Variants in RGS6 observed in about 807,000 individuals in gnomAD.
RGS6 encodes the protein regulator of G protein signaling 6.
In RGS6, 30 loss-of-function variants were observed where a neutral mutation model predicts 78.5. The ratio of observed to expected loss-of-function variants is 0.38; its 90% CI spans 0.29 to 0.52. The LOEUF is 0.52. RGS6 is among the 20% of genes least tolerant of loss of function. The pLI is 0.85. For synonymous variants in RGS6, 206 were observed against 206.0 expected, an observed-to-expected ratio of 1.00 and a Z score of 0.00; for missense variants, 495 against 609.7, an observed-to-expected ratio of 0.81 and a Z score of 1.98.
chr14:72,284,559 T>C (rs35425336), intron 2 of RGS6, among the ~76,000 whole-genome samples: 4,483 of 152,310 alleles, frequency 0.029, 88 homozygotes, highest in Middle Eastern at 0.058. Context: ...AGAGGATATA[T>C]GGAAACTCCT....
chr14:72,510,103 A>G (rs772034022), intron 13 of RGS6, 51 bp from the exon 14 acceptor site: 4 of 1,527,576 alleles, frequency 2.6e-6, no homozygotes, highest in Non-Finnish European at 3.5e-6. Context: ...ATATGACACG[A>G]GCTTTTCTCT....
the RGS6 span, among the ~76,000 whole-genome samples, chr14:71,897,127 T>A: frequency 2.6e-5 from 4 of 152,214 alleles, no homozygotes; most frequent in African/African-American, 9.6e-5. Flanking sequence ...AAGAGATATG[T>A]CTCTACACTG....
chr14:72,491,111 A>C (rs2153403062), intron 12 of RGS6, among the ~76,000 whole-genome samples: 1 of 152,344 alleles, frequency 6.6e-6, no homozygotes, highest in South Asian at 2.1e-4. Flanking sequence ...TTTGCAATTC[A>C]GTAGTAGGAA....
At chr14:71,914,860 T>C in the RGS6 span, among the ~76,000 whole-genome samples, 2 of 151,796 alleles carry the variant, frequency 1.3e-5, no homozygotes, top group Non-Finnish European at 2.9e-5. Context: ...CAGGCACCAC[T>C]CCCTTAAGAG....
chr14:72,084,833 A>G (rs1205190875), intron 2 of RGS6, among the ~76,000 whole-genome samples: 1 of 152,094 alleles, frequency 6.6e-6, no homozygotes, highest in East Asian at 1.9e-4. Context: ...GTGGCTGCTC[A>G]TGTTCCTGAA....
chr14:71,876,679 A>G, the RGS6 span, among the ~76,000 whole-genome samples: 1 of 151,644 alleles, frequency 6.6e-6, no homozygotes, highest in Middle Eastern at 3.2e-3. Context: ...ATTTACATTT[A>G]AGGTTAATAT....
At chr14:72,274,866 G>A (rs1357352664) in intron 2 of RGS6, among the ~76,000 whole-genome samples, 1 of 152,220 alleles carries the variant, frequency 6.6e-6, no homozygotes, top group East Asian at 1.9e-4. Context: ...CATTTGTGCT[G>A]CTTTAAGTCA....
At chr14:72,177,334 G>A (rs2097119385) in intron 2 of RGS6, among the ~76,000 whole-genome samples, 1 of 152,012 alleles carries the variant, frequency 6.6e-6, no homozygotes, top group South Asian at 2.1e-4. Flanking sequence ...CCATGACAAA[G>A]GTAGTAAACA....
At chr14:72,469,831 C>G (rs2096023974) in intron 7 of RGS6, 176 bp from the exon 8 acceptor site, 2 of 595,676 alleles carry the variant, frequency 3.4e-6, no homozygotes, top group African/African-American at 3.7e-5. Context: ...TAGTTCAGCT[C>G]TGTACGGAGG....
At chr14:72,560,823 T>C (rs2097664487) in intron 17 of RGS6, among the ~76,000 whole-genome samples, 1 of 151,482 alleles carries the variant, frequency 6.6e-6, no homozygotes, top group Non-Finnish European at 1.5e-5. Context: ...TGTGTGTGTG[T>C]GTGTGTGTGT....
intron 2 of RGS6, among the ~76,000 whole-genome samples, chr14:72,285,330 G>A (rs1372965055): frequency 6.6e-6 from 1 of 152,142 alleles, no homozygotes; most frequent in Non-Finnish European, 1.5e-5. Flanking sequence ...GACCTGGTGG[G>A]AGATAATTGA....
At chr14:72,541,311 C>A in intron 17 of RGS6, 1 of 870,742 alleles carries the variant, frequency 1.1e-6, no homozygotes. Flanking sequence ...ATTTACGTGT[C>A]GTAGCTAGAT....
chr14:71,895,900 A>G, the RGS6 span, among the ~76,000 whole-genome samples: 1 of 152,130 alleles, frequency 6.6e-6, no homozygotes, highest in Admixed American at 6.5e-5. Context: ...AGAGAGAGCG[A>G]GGAGATGCAT....
chr14:72,407,371 C>T (rs2093025213), intron 3 of RGS6, among the ~76,000 whole-genome samples: 1 of 152,186 alleles, frequency 6.6e-6, no homozygotes, highest in African/African-American at 2.4e-5. Context: ...AGCTCTGCTT[C>T]CCTCTGGATG....
intron 3 of RGS6, among the ~76,000 whole-genome samples, chr14:72,397,251 G>A (rs904485107): frequency 7.2e-5 from 11 of 152,024 alleles, no homozygotes; most frequent in East Asian, 1.9e-4. Flanking sequence ...GTTCTCCTTG[G>A]AGAGGTCCTT....
At position 72,562,768 on chromosome 14, in the gene RGS6, GA is replaced by G; in HGVS notation, c.*302del. ...GGCCCTGATCCCAGCTCATTCAGGG[GA>G]GAACACGTCGTGGGGTTCCTGTCAC... On this transcript the variant is annotated 3_prime_UTR_variant, in exon 18 of 18. Transcript: ENST00000553525. The G allele has an allele frequency of 6.5e-7, 1 of 1,527,720 alleles. No individual in the cohort carries two copies. Among genetic ancestry groups the G allele is most frequent in the South Asian group, 1.2e-5 (1 of 83,912 alleles). The allele number at this position is 1,527,720 out of a possible 1,614,324, so 94.6% of individuals were successfully genotyped here.
At chr14:72,061,808 G>C (rs1403702523) in intron 2 of RGS6, among the ~76,000 whole-genome samples, 3 of 152,144 alleles carry the variant, frequency 2.0e-5, no homozygotes, top group Admixed American at 6.5e-5. Flanking sequence ...TTATTTTTTA[G>C]TATGTGGGGA....
intron 2 of RGS6, among the ~76,000 whole-genome samples, chr14:72,299,425 A>C (rs537017916): frequency 6.6e-6 from 1 of 152,220 alleles, no homozygotes; most frequent in Non-Finnish European, 1.5e-5. Flanking sequence ...AAGGTTTACT[A>C]TGCTGCTGTT....
At chr14:72,539,925 T>C in intron 16 of RGS6, 116 bp from the exon 17 acceptor site, 2 of 882,096 alleles carry the variant, frequency 2.3e-6, no homozygotes, top group South Asian at 3.6e-5. Flanking sequence ...TCGCCCCATT[T>C]TGCTTTGGTT....
Sources: gnomAD v4.1 joint callset for allele counts (sites outside exome capture counted in the v4.1 genomes callset) on GRCh38, gnomAD v4.1.1 for gene constraint, MANE v1.5 for transcripts, NCBI Gene and HGNC (gene_info 2026-07-23, HGNC 2026-07-21) for gene names.